Variants in C1orf141 observed in about 807,000 individuals in gnomAD.
The protein encoded by C1orf141 is uncharacterized protein C1orf141.
A neutral mutation model predicts 23.2 loss-of-function variants in C1orf141; 19 were observed. That is an observed-to-expected ratio of 0.82 (90% CI 0.57 to 1.20). The LOEUF (loss-of-function observed/expected upper bound fraction) is 1.20, where lower values mean the gene tolerates loss of function less well. Ranked by LOEUF, C1orf141 falls within the 50% of genes most tolerant of loss-of-function variation. C1orf141 has a pLI of 0.00. For synonymous variants in C1orf141, 153 were observed against 154.6 expected (o/e 0.99, Z 0.08); for missense variants, 469 against 455.1 (o/e 1.03, Z -0.28).
At position 67,125,795 on chromosome 1, in the gene C1orf141, T is replaced by A. The variant is rs1051510228; in HGVS notation, c.190A>T (p.Lys64Ter). Residue 64 changes from lysine to a stop codon, truncating the protein, a stop_gained, in exon 4 of 8, where the codon AAG (lysine) becomes TAG (stop). Transcript: ENST00000684719. LOFTEE classifies it high-confidence loss of function. ...CTGCATGACTTGTCTTCTTTGATCT[T>A]TGATATTGCCTTAGACGCGGATGTA... is the stretch of plus-strand genomic sequence containing the variant. ...LATSASKAIS[K>*]IKEDKSCSIT... is the part of the protein sequence containing the mutation. 1.2e-6 allele frequency: 2 copies of A among 1,614,108 alleles called. No homozygotes were observed. The highest frequency in any genetic ancestry group is 4.5e-5 in the East Asian group (2 of 44,874).
Position 67,107,626 on chromosome 1 carries a change from C to G in C1orf141, c.346+7726G>C, listed in dbSNP as rs890926669. On this transcript the variant is annotated intron_variant, in intron 5 of 7. Transcript: ENST00000684719. Reference sequence around the variant, plus strand: ...ACATCTGGCCTGGCATAGTGGCTCACGCCTGTAATCCCCGCACTTTGGGAG... The same window carrying G: ...ACATCTGGCCTGGCATAGTGGCTCAGGCCTGTAATCCCCGCACTTTGGGAG... 6.6e-5 allele frequency among the ~76,000 whole-genome samples: 10 copies of G among 152,304 alleles called. 1 individual carries two copies. In the East Asian group the frequency reaches 1.9e-3, roughly 29 times the overall value.
At chr1:67,139,476 C>T (rs1646614371), upstream of C1orf141, among the ~76,000 whole-genome samples, 1 of 152,166 alleles carries the variant, frequency 6.6e-6, no homozygotes, top group Non-Finnish European at 1.5e-5. Context: ...ATTATAAGTT[C>T]TAAGAAAACT....
chr1:67,125,230 T>C (rs1196046198), intron 4 of C1orf141, among the ~76,000 whole-genome samples: 3 of 151,876 alleles, frequency 2.0e-5, no homozygotes, highest in East Asian at 3.9e-4. Flanking sequence ...AATTCACAAT[T>C]GTAATTACCA....
rs537321376 is a variant in C1orf141 at position 67,096,447 on chromosome 1, T to C, written c.347-126A>G. The C allele has an allele frequency of 2.7e-4, 154 of 561,608 alleles. 1 individual carries two copies. Among genetic ancestry groups the C allele is most frequent in the Middle Eastern group, 1.1e-3 (3 of 2,824 alleles). The allele number at this position is 561,608 out of a possible 1,614,324, so 34.8% of individuals were successfully genotyped here. A position where few individuals can be genotyped will look rare whatever the true frequency, so the allele number is the denominator to read the frequency against. ...AGTACCTAGTATAGTGCCTGGTCTG[T>C]AGTAGCTACCCAGTAAATATTTCTT... is the stretch of plus-strand genomic sequence containing the variant. On this transcript the variant is annotated intron_variant, in intron 5 of 7. Transcript: ENST00000684719.
chr1:67,096,315 A>G lies in C1orf141; in HGVS notation c.353T>C (p.Ile118Thr). The G allele has an allele frequency of 3.3e-6, 5 of 1,511,952 alleles. No homozygotes were observed. The highest frequency in any genetic ancestry group is 4.5e-6 in the Non-Finnish European group (5 of 1,109,066). 93.7% of individuals were successfully genotyped at this position (1,511,952 alleles called of 1,614,324 possible). A position where few individuals can be genotyped will look rare whatever the true frequency, so the allele number is the denominator to read the frequency against. ...KNKESESTAQ[I>T]EKKPRKPLDS... ...CAATGGTTTCCTAGGTTTTTTTTCA[A>G]TTTGAGCTGAAATTTTAAAAGATTT... Residue 118 changes from isoleucine to threonine, a missense_variant, in exon 6 of 8, where the codon ATT becomes ACT. Coordinates refer to ENST00000684719, the MANE Select transcript of C1orf141 (RefSeq NM_001276351.2).
Position 67,133,969 on chromosome 1 carries a change from A to C in C1orf141, c.-104+961T>G, listed in dbSNP as rs568574240. The stretch of plus-strand genomic sequence containing the variant: ...ATTTAAAAACCCGACCTATGTGCTT[A>C]GTTCCGCATTATGCATTTTCTTGTC... On this transcript the variant is annotated intron_variant, in intron 1 of 7. Transcript: ENST00000684719. Among the ~76,000 whole-genome samples, 5 of 152,320 alleles carry C rather than the reference A, an allele frequency of 3.3e-5. No individual in the cohort carries two copies. The East Asian group carries it at 9.6e-4, about 29-fold the overall frequency.
intron 5 of C1orf141, chr1:67,113,662 G>T (rs1194330739): frequency 1.6e-6 from 2 of 1,236,032 alleles, no homozygotes; most frequent in Non-Finnish European, 2.1e-6. Flanking sequence ...ACCGTGCCCG[G>T]CCAGGTCTTT....
At chr1:67,108,675 C>G (rs1053431385) in intron 5 of C1orf141, among the ~76,000 whole-genome samples, 3 of 152,056 alleles carry the variant, frequency 2.0e-5, no homozygotes, top group Non-Finnish European at 4.4e-5. Context: ...TTGCAGTGAG[C>G]AGAAATCGTG....
chr1:67,103,399 A>T (rs944339964), intron 5 of C1orf141: 31 of 1,342,502 alleles, frequency 2.3e-5, no homozygotes, highest in Middle Eastern at 3.9e-4. Flanking sequence ...ATCAGGAAAA[A>T]TGGAAAATTA....
chr1:67,132,369 A>C lies in C1orf141; in HGVS notation c.-103-1142T>G, dbSNP rs368323066. On this transcript the variant is annotated intron_variant, in intron 1 of 7. Coordinates refer to ENST00000684719, the MANE Select transcript of C1orf141 (RefSeq NM_001276351.2). Reference sequence around the variant, plus strand: ...CCCTGTGTCTACTAAAAATACAAAAAAAAATTAGCTGGTCATGGTGGCGCA... The same window carrying C: ...CCCTGTGTCTACTAAAAATACAAAACAAAATTAGCTGGTCATGGTGGCGCA... Among the ~76,000 whole-genome samples, 20 of 152,176 alleles carry C rather than the reference A, an allele frequency of 1.3e-4. 1 individual carries two copies. In the East Asian group the frequency reaches 3.5e-3, roughly 27 times the overall value.
intron 5 of C1orf141, among the ~76,000 whole-genome samples, chr1:67,105,648 C>T (rs552432574): frequency 6.6e-6 from 1 of 151,926 alleles, no homozygotes; most frequent in Non-Finnish European, 1.5e-5. Context: ...CACACACAGA[C>T]ACACACACAG....
chr1:67,103,381 A>G, intron 5 of C1orf141: 5 of 1,365,170 alleles, frequency 3.7e-6, no homozygotes, highest in Non-Finnish European at 4.8e-6. Flanking sequence ...TGCATTTTCC[A>G]TCTAAACATC....
chr1:67,110,443 T>G (rs1646043613), intron 5 of C1orf141, among the ~76,000 whole-genome samples: 2 of 152,096 alleles, frequency 1.3e-5, no homozygotes. Flanking sequence ...TGTTTAAAGT[T>G]GATAAATTAA....
chr1:67,137,559 C>A (rs1414826665), upstream of C1orf141, among the ~76,000 whole-genome samples: 4 of 152,180 alleles, frequency 2.6e-5, no homozygotes, highest in African/African-American at 7.2e-5. Context: ...AAAGCCCTTG[C>A]CTTAAGTCAC....
chr1:67,115,517 T>C, intron 4 of C1orf141, 53 bp from the exon 5 acceptor site: 1 of 736,542 alleles, frequency 1.4e-6, no homozygotes, highest in South Asian at 2.0e-5. Flanking sequence ...AATTACAAAA[T>C]AAATCTAAAA....
At chr1:67,104,898 T>C (rs947693241) in intron 5 of C1orf141, among the ~76,000 whole-genome samples, 17 of 152,336 alleles carry the variant, frequency 1.1e-4, no homozygotes, top group African/African-American at 4.1e-4. Flanking sequence ...TATAACTCAT[T>C]ACCCATAGGT....
At chr1:67,106,688 C>T (rs1486509340) in intron 5 of C1orf141, among the ~76,000 whole-genome samples, 1 of 151,806 alleles carries the variant, frequency 6.6e-6, no homozygotes, top group African/African-American at 2.4e-5. Flanking sequence ...GCCAAACAAA[C>T]AAACAAAAAC....
At chr1:67,140,013 C>G (rs1026633331) in intron 1 of C1orf141, among the ~76,000 whole-genome samples, 3 of 152,180 alleles carry the variant, frequency 2.0e-5, no homozygotes, top group Non-Finnish European at 4.4e-5. Flanking sequence ...ATGTGATGCC[C>G]TGTGCCACCG....
intron 5 of C1orf141, among the ~76,000 whole-genome samples, chr1:67,111,339 T>C (rs532591130): frequency 6.6e-6 from 1 of 152,306 alleles, no homozygotes; most frequent in South Asian, 2.1e-4. Flanking sequence ...GTGCTAGTCC[T>C]TACCATGTTC....
Sources: allele counts gnomAD v4.1 joint callset (sites outside exome capture counted in the v4.1 genomes callset), GRCh38; gene constraint gnomAD v4.1.1; transcripts MANE v1.5; gene names NCBI Gene and HGNC (gene_info 2026-07-23, HGNC 2026-07-21).